The following PATJ variants were observed in gnomAD, a reference collection of about 807,000 sequenced individuals.
PATJ encodes the protein inaD-like protein.
PATJ carries 190 observed loss-of-function variants against 224.9 expected under a neutral mutation model. The ratio of observed to expected loss-of-function variants is 0.84; its 90% CI spans 0.75 to 0.95. The LOEUF is 0.95. Among genes scored for constraint, PATJ ranks in the 40% least tolerant of loss-of-function variants. PATJ has a pLI of 0.00. For missense variants in PATJ, 2,121 were observed against 2,270.3 expected (o/e 0.93, Z 1.34); for synonymous variants, 769 against 820.3 (o/e 0.94, Z 1.07).
intron 17 of PATJ, among the ~76,000 whole-genome samples, chr1:61,842,268 G>A (rs1661219736): frequency 6.6e-6 from 1 of 152,200 alleles, no homozygotes; most frequent in South Asian, 2.1e-4. Flanking sequence ...TGAGGCAGCT[G>A]CAGGGGGATA....
intron 39 of PATJ, among the ~76,000 whole-genome samples, chr1:62,124,489 C>A (rs889944290): frequency 3.3e-5 from 5 of 152,220 alleles, no homozygotes; most frequent in African/African-American, 1.2e-4. Context: ...TGATATCCAG[C>A]ATAACTTACT....
chr1:61,894,265 A>AAAAAAAC lies in PATJ; in HGVS notation c.3132-5314_3132-5313insAACAAAA, dbSNP rs779493984. On this transcript the variant is annotated intron_variant, in intron 22 of 43. Coordinates refer to ENST00000642238, the MANE Select transcript of PATJ (RefSeq NM_001350145.3). ...GCGAAACTCTATCTCATAAAAAAAAAAAAACACAAAAAAAAAACAGAGAAT... is the reference window on the plus strand; with the variant it reads ...GCGAAACTCTATCTCATAAAAAAAAAAAAAAACAAAACACAAAAAAAAAACAGAGAAT... Among the ~76,000 whole-genome samples the AAAAAAAC allele has an allele frequency of 8.4e-5, 11 of 131,362 alleles. No homozygotes were observed. The South Asian group carries it at 1.4e-3, about 17-fold the overall frequency. 86.2% of individuals were successfully genotyped at this position (131,362 alleles called of 152,430 possible). A position where few individuals can be genotyped will look rare whatever the true frequency, so the allele number is the denominator to read the frequency against.
chr1:61,951,108 G>A (rs1158572253), intron 27 of PATJ, among the ~76,000 whole-genome samples: 1 of 151,314 alleles, frequency 6.6e-6, no homozygotes, highest in Non-Finnish European at 1.5e-5. Flanking sequence ...TCGCGCCTCT[G>A]CACTTCAGCC....
Position 61,775,311 on chromosome 1 carries a change from G to A in PATJ, c.826G>A (p.Val276Ile), listed in dbSNP as rs367773082. ...AAGTGGCGTGGTTGTGAGGACTATA[G>A]TTCCTGGAGGATTAGCAGATCGAGT... is the stretch of plus-strand genomic sequence containing the variant. ...KTSGVVVRTI[V>I]PGGLADRDGR... Residue 276 changes from valine to isoleucine, a missense_variant, in exon 7 of 44, where the codon GTT (valine) becomes ATT (isoleucine). Coordinates refer to ENST00000642238, the MANE Select transcript of PATJ (RefSeq NM_001350145.3). The A allele has an allele frequency of 6.2e-7, 1 of 1,612,926 alleles. No homozygotes were observed. Among genetic ancestry groups the A allele is most frequent in the African/African-American group, 1.3e-5 (1 of 74,870 alleles).
chr1:61,943,634 C>T (rs547301871), intron 27 of PATJ, among the ~76,000 whole-genome samples: 1 of 152,304 alleles, frequency 6.6e-6, no homozygotes, highest in East Asian at 1.9e-4. Context: ...GGCCTGCCTG[C>T]CTCTGTAGAC....
intron 27 of PATJ, among the ~76,000 whole-genome samples, chr1:61,939,010 C>T (rs1677330263): frequency 6.7e-6 from 1 of 149,322 alleles, no homozygotes; most frequent in African/African-American, 2.5e-5. Flanking sequence ...GTAGTCCCAG[C>T]TACTTGGGAG....
intron 33 of PATJ, among the ~76,000 whole-genome samples, chr1:62,107,361 A>C (rs1195285627): frequency 6.6e-6 from 1 of 151,826 alleles, no homozygotes; most frequent in Non-Finnish European, 1.5e-5. Flanking sequence ...TAAGACACCT[A>C]TCATAATCCA....
chr1:62,083,998 A>C (rs1182252932), intron 32 of PATJ, among the ~76,000 whole-genome samples: 1 of 152,210 alleles, frequency 6.6e-6, no homozygotes, highest in Non-Finnish European at 1.5e-5. Context: ...TCACACCTAT[A>C]GTCCTAGCAC....
At chr1:61,852,371 C>T (rs980076999) in intron 17 of PATJ, 1 of 152,066 alleles carries the variant, frequency 6.6e-6, no homozygotes, top group Non-Finnish European at 1.5e-5. Flanking sequence ...ATGTTCCTTG[C>T]AGTGTTATTT....
chr1:62,146,225 C>A (rs1558233432), intron 41 of PATJ, among the ~76,000 whole-genome samples: 1 of 152,008 alleles, frequency 6.6e-6, no homozygotes, highest in East Asian at 1.9e-4. Context: ...GAGGCCGGCA[C>A]AATGGGGCGG....
intron 14 of PATJ, among the ~76,000 whole-genome samples, chr1:61,820,073 G>T (rs914076678): frequency 6.6e-6 from 1 of 151,754 alleles, no homozygotes; most frequent in Non-Finnish European, 1.5e-5. Context: ...ATGGAGTCTC[G>T]CTCTGTCGCC....
intron 21 of PATJ, among the ~76,000 whole-genome samples, chr1:61,876,515 G>A (rs1667351686): frequency 6.6e-6 from 1 of 151,964 alleles, no homozygotes; most frequent in South Asian, 2.1e-4. Context: ...AGCAAACTTA[G>A]CACGATTTTG....
At position 61,900,653 on chromosome 1, in the gene PATJ, A is replaced by C. The variant is rs539175507; in HGVS notation, c.3204-629A>C. Reference sequence around the variant, plus strand: ...CGCCCGGGCTGGAGTGCAGTGGCGCAATCTCGGCTCACTGCAAGCTCTGCC... The same window carrying C: ...CGCCCGGGCTGGAGTGCAGTGGCGCCATCTCGGCTCACTGCAAGCTCTGCC... On this transcript the variant is annotated intron_variant, in intron 23 of 43. Transcript: ENST00000642238. 3.9e-5 allele frequency among the ~76,000 whole-genome samples: 6 copies of C among 152,006 alleles called. No homozygotes were observed. In the South Asian group the frequency reaches 8.3e-4, roughly 21 times the overall value.
At chr1:62,028,218 G>A (rs114949944) in intron 29 of PATJ, among the ~76,000 whole-genome samples, 3,511 of 152,106 alleles carry the variant, frequency 0.023, 50 homozygotes, top group Non-Finnish European at 0.036. Flanking sequence ...TAGAGTTGAG[G>A]ATCTCTCTAT....
chr1:61,998,695 G>A (rs1645564972), intron 28 of PATJ, among the ~76,000 whole-genome samples: 2 of 152,190 alleles, frequency 1.3e-5, no homozygotes, highest in South Asian at 2.1e-4. Flanking sequence ...TTACCCTTCA[G>A]TTCCTTCATA....
chr1:61,877,258 C>CT (rs11405663), intron 21 of PATJ, among the ~76,000 whole-genome samples: 142,438 of 147,442 alleles, frequency 0.97, 68,915 homozygotes, highest in South Asian at 1. Flanking sequence ...CAGTTCATTA[C>CT]TTTTTTTTTT....
chr1:61,860,998 T>C (rs958908266), intron 18 of PATJ, among the ~76,000 whole-genome samples: 3 of 151,758 alleles, frequency 2.0e-5, no homozygotes, highest in Non-Finnish European at 4.4e-5. Flanking sequence ...ACCCACGTTT[T>C]AGAGTATATA....
intron 22 of PATJ, among the ~76,000 whole-genome samples, chr1:61,896,240 G>C (rs1670343626): frequency 6.6e-6 from 1 of 150,472 alleles, no homozygotes; most frequent in African/African-American, 2.4e-5. Context: ...AGGTTGCAAT[G>C]ACCCAAGATT....
Position 61,886,819 on chromosome 1 carries a change from C to CAAAAAAAAAAAA in PATJ, c.3131+2412_3131+2423dup, listed in dbSNP as rs35950461. Among the ~76,000 whole-genome samples, 220 of 87,432 alleles carry CAAAAAAAAAAAA rather than the reference C, an allele frequency of 2.5e-3. 76 individuals carry two copies. The highest frequency in any genetic ancestry group is 3.9e-3 in the Non-Finnish European group (147 of 37,344). 57.4% of individuals were successfully genotyped at this position (87,432 alleles called of 152,430 possible). A position where few individuals can be genotyped will look rare whatever the true frequency, so the allele number is the denominator to read the frequency against. ...TGGGCAACAGAGCAAGACCCCATCT[C>CAAAAAAAAAAAA]AAAAAAAAAAAATTAGCCTGTTGTG... On this transcript the variant is annotated intron_variant, in intron 22 of 43. Coordinates refer to ENST00000642238, the MANE Select transcript of PATJ (RefSeq NM_001350145.3).
Sources: gnomAD v4.1 joint callset for allele counts (sites outside exome capture counted in the v4.1 genomes callset) on GRCh38, gnomAD v4.1.1 for gene constraint, MANE v1.5 for transcripts, NCBI Gene and HGNC (gene_info 2026-07-23, HGNC 2026-07-21) for gene names.